The following TAFA2 variants were observed in gnomAD, a reference collection of about 807,000 sequenced individuals.
The protein encoded by TAFA2 is chemokine-like protein TAFA-2.
In TAFA2, 7 loss-of-function variants were observed where a neutral mutation model predicts 18.8. The observed-to-expected ratio is 0.37, with a 90% CI of 0.21 to 0.70. The LOEUF is 0.70. Among genes scored for constraint, TAFA2 ranks in the 30% least tolerant of loss-of-function variants. The pLI, the probability that TAFA2 is intolerant of heterozygous loss-of-function variation, is 0.53. For missense variants in TAFA2, 122 were observed against 158.1 expected (o/e 0.77, Z 1.23); for synonymous variants, 60 against 54.2 (o/e 1.11, Z -0.47).
intron 1 of TAFA2, among the ~76,000 whole-genome samples, chr12:62,146,248 G>A (rs1365845366): frequency 6.7e-6 from 1 of 150,260 alleles, no homozygotes; most frequent in Non-Finnish European, 1.5e-5. Context: ...GCCCTCCTAA[G>A]GTTGCTTTGC....
intron 4 of TAFA2, among the ~76,000 whole-genome samples, chr12:61,712,935 C>A (rs1399904857): frequency 1.3e-5 from 2 of 152,006 alleles, no homozygotes; most frequent in Non-Finnish European, 2.9e-5. Flanking sequence ...TTATTTAACA[C>A]CTAGCTTTGT....
At chr12:62,169,114 CATT>C (rs1340757096) in intron 1 of TAFA2, among the ~76,000 whole-genome samples, 1 of 152,062 alleles carries the variant, frequency 6.6e-6, no homozygotes, top group Non-Finnish European at 1.5e-5. Context: ...CTGGAAGAGT[CATT>C]ATCTTTTAGA....
chr12:61,854,383 C>T (rs986968637), intron 2 of TAFA2, among the ~76,000 whole-genome samples: 2 of 151,982 alleles, frequency 1.3e-5, no homozygotes, highest in African/African-American at 2.4e-5. Flanking sequence ...TTTAGGAGAT[C>T]AAACAGCCTA....
chr12:61,996,053 A>T (rs2136694584), intron 1 of TAFA2, among the ~76,000 whole-genome samples: 1 of 152,270 alleles, frequency 6.6e-6, no homozygotes, highest in Non-Finnish European at 1.5e-5. Context: ...TTGATAAGAA[A>T]TATTTAGTAG....
At chr12:62,237,282 C>A (rs1390587749) in intron 1 of TAFA2, among the ~76,000 whole-genome samples, 1 of 152,262 alleles carries the variant, frequency 6.6e-6, no homozygotes, top group Non-Finnish European at 1.5e-5. Context: ...CCGAGGCGGG[C>A]AGATCATGAG....
At chr12:61,758,557 G>C (rs1425825656) in intron 2 of TAFA2, among the ~76,000 whole-genome samples, 3 of 151,854 alleles carry the variant, frequency 2.0e-5, no homozygotes. Context: ...AGATAAGGTA[G>C]TTTCTTACCT....
intron 1 of TAFA2, among the ~76,000 whole-genome samples, chr12:62,179,612 C>A (rs748386639): frequency 6.6e-6 from 1 of 152,122 alleles, no homozygotes; most frequent in Non-Finnish European, 1.5e-5. Flanking sequence ...TTTGGCTCCA[C>A]GCATTTTTCT....
intron 1 of TAFA2, among the ~76,000 whole-genome samples, chr12:61,960,942 A>T (rs757573933): frequency 1.8e-4 from 28 of 151,960 alleles, no homozygotes; most frequent in Non-Finnish European, 3.8e-4. Context: ...CATTGCTATA[A>T]AGAAATACCT....
chr12:61,959,457 CTAGAG>C (rs375072930), intron 1 of TAFA2, among the ~76,000 whole-genome samples: 2 of 152,128 alleles, frequency 1.3e-5, no homozygotes, highest in African/African-American at 4.8e-5. Flanking sequence ...GCATTTCTTG[CTAGAG>C]TAAAGAAAAT....
chr12:62,179,214 G>T (rs2062535523), intron 1 of TAFA2, among the ~76,000 whole-genome samples: 1 of 152,066 alleles, frequency 6.6e-6, no homozygotes, highest in South Asian at 2.1e-4. Flanking sequence ...CTTATTAAAG[G>T]TTAGATTTGG....
At chr12:61,930,144 T>C (rs1877494693) in intron 1 of TAFA2, among the ~76,000 whole-genome samples, 1 of 151,888 alleles carries the variant, frequency 6.6e-6, no homozygotes, top group Admixed American at 6.6e-5. Context: ...ACCCTAGAAC[T>C]TTAATAATAA....
chr12:61,848,515 TA>T (rs1471534911), intron 2 of TAFA2, among the ~76,000 whole-genome samples: 1 of 152,196 alleles, frequency 6.6e-6, no homozygotes. Context: ...TATTGCAGTT[TA>T]AAAGTTGTAC....
At position 61,731,392 on chromosome 12, in the gene TAFA2, G is replaced by C. The variant is rs1287542722; in HGVS notation, c.385-20975C>G. On this transcript the variant is annotated intron_variant, in intron 4 of 4. Transcript: ENST00000416284. ...TTAGTCTCCACACGCTGTTCTGTGTGTCCAAGTGGGAGCTGCAAGTTAGTC... is the reference window on the plus strand; with the variant it reads ...TTAGTCTCCACACGCTGTTCTGTGTCTCCAAGTGGGAGCTGCAAGTTAGTC... Among the ~76,000 whole-genome samples the C allele has an allele frequency of 2.6e-5, 4 of 152,224 alleles. No individual in the cohort carries two copies. The East Asian group carries it at 7.8e-4, about 30-fold the overall frequency.
At chr12:61,918,035 G>A (rs772984101) in intron 1 of TAFA2, among the ~76,000 whole-genome samples, 1 of 151,732 alleles carries the variant, frequency 6.6e-6, no homozygotes, top group Non-Finnish European at 1.5e-5. Context: ...ATTTGTCTGG[G>A]TACATAGTGG....
At chr12:62,171,118 C>A (rs938284274) in intron 1 of TAFA2, among the ~76,000 whole-genome samples, 1 of 151,428 alleles carries the variant, frequency 6.6e-6, no homozygotes, top group African/African-American at 2.4e-5. Context: ...ACAATTATAC[C>A]CTTGTTGTTA....
chr12:61,884,773 A>G (rs1875299589), intron 1 of TAFA2, among the ~76,000 whole-genome samples: 1 of 152,178 alleles, frequency 6.6e-6, no homozygotes. Context: ...ATATGTTTGT[A>G]CTATGATGAG....
chr12:62,104,269 T>A (rs559739788), intron 1 of TAFA2, among the ~76,000 whole-genome samples: 1 of 42,524 alleles, frequency 2.4e-5, no homozygotes, highest in Non-Finnish European at 4.7e-5. Context: ...ATGCTGTTCT[T>A]CTGAAGCAAA....
At chr12:61,712,591 T>G (rs1008140141) in intron 4 of TAFA2, among the ~76,000 whole-genome samples, 6 of 152,104 alleles carry the variant, frequency 3.9e-5, no homozygotes, top group African/African-American at 1.4e-4. Flanking sequence ...TTCTATCAGC[T>G]AACATAATTG....
chr12:62,180,162 A>G (rs898724063), intron 1 of TAFA2, among the ~76,000 whole-genome samples: 33 of 152,074 alleles, frequency 2.2e-4, no homozygotes, highest in African/African-American at 7.0e-4. Flanking sequence ...TTGATTTTAA[A>G]TTTTTTTCAG....
Sources: allele counts gnomAD v4.1 joint callset (sites outside exome capture counted in the v4.1 genomes callset), GRCh38; gene constraint gnomAD v4.1.1; transcripts MANE v1.5; gene names NCBI Gene and HGNC (gene_info 2026-07-23, HGNC 2026-07-21).